VAT1L: variants seen among roughly 807,000 people sequenced by gnomAD.
VAT1L encodes the protein putative NADPH-dependent quinone oxidoreductase VAT1L.
In VAT1L, 34 loss-of-function variants were observed where a neutral mutation model predicts 44.1. The observed-to-expected ratio is 0.77, with a 90% CI of 0.59 to 1.03. The LOEUF (loss-of-function observed/expected upper bound fraction) is 1.03, where lower values mean the gene tolerates loss of function less well. VAT1L is among the 50% of genes least tolerant of loss of function. The probability of loss-of-function intolerance (pLI) is 0.00; values close to 1 mark genes in which losing one functional copy is unlikely to be tolerated. For synonymous variants in VAT1L, 253 were observed against 202.2 expected, an observed-to-expected ratio of 1.25 and a Z score of -2.13; for missense variants, 615 against 538.8, an observed-to-expected ratio of 1.14 and a Z score of -1.40.
At chr16:77,859,287 C>G (rs2016892317) in intron 3 of VAT1L, among the ~76,000 whole-genome samples, 1 of 152,072 alleles carries the variant, frequency 6.6e-6, no homozygotes, top group African/African-American at 2.4e-5. Context: ...CAGAGTGAGA[C>G]CCTGTCTCTA....
chr16:77,962,739 A>AGAAGGAAAGAAGGAAGGAAG (rs2018175748), intron 7 of VAT1L, among the ~76,000 whole-genome samples: 1 of 129,328 alleles, frequency 7.7e-6, no homozygotes, highest in African/African-American at 2.9e-5. Flanking sequence ...AAAGAAGGAA[A>AGAAGGAAAGAAGGAAGGAAG]GAAGGAAGGA....
intron 7 of VAT1L, among the ~76,000 whole-genome samples, chr16:77,912,486 C>T (rs62042210): frequency 0.066 from 10,054 of 152,134 alleles, 385 homozygotes; most frequent in East Asian, 0.12. Context: ...GACATGGTCA[C>T]GGCTCACTGC....
At chr16:77,906,058 C>A (rs943634087) in intron 7 of VAT1L, among the ~76,000 whole-genome samples, 1 of 152,086 alleles carries the variant, frequency 6.6e-6, no homozygotes. Context: ...CACCACTGTC[C>A]CCCCAGTAAT....
chr16:77,913,312 C>T (rs2017517995), intron 7 of VAT1L, among the ~76,000 whole-genome samples: 1 of 152,114 alleles, frequency 6.6e-6, no homozygotes, highest in African/African-American at 2.4e-5. Flanking sequence ...TGTCTTGCAA[C>T]TCTAAAACTC....
At chr16:77,846,832 C>A (rs559567461) in intron 3 of VAT1L, among the ~76,000 whole-genome samples, 1 of 152,094 alleles carries the variant, frequency 6.6e-6, no homozygotes, top group East Asian at 1.9e-4. Context: ...AAAAGATAAT[C>A]AGGGTATATA....
chr16:77,965,377 C>G (rs563348842), intron 7 of VAT1L, among the ~76,000 whole-genome samples: 1 of 152,330 alleles, frequency 6.6e-6, no homozygotes, highest in East Asian at 1.9e-4. Context: ...TTCCCACTGC[C>G]TCCTGCCACC....
chr16:77,937,480 G>C (rs529157798), intron 7 of VAT1L, among the ~76,000 whole-genome samples: 1 of 147,436 alleles, frequency 6.8e-6, no homozygotes, highest in African/African-American at 2.4e-5. Context: ...TTACCCAAGA[G>C]ACTTTCCCCC....
chr16:77,968,018 G>C (rs548328138), intron 7 of VAT1L, among the ~76,000 whole-genome samples: 1 of 152,050 alleles, frequency 6.6e-6, no homozygotes, highest in Non-Finnish European at 1.5e-5. Flanking sequence ...TGAGCATCAG[G>C]GTACATTATC....
chr16:77,974,454 C>G (rs914082501), intron 8 of VAT1L, among the ~76,000 whole-genome samples: 3 of 152,188 alleles, frequency 2.0e-5, no homozygotes, highest in Non-Finnish European at 4.4e-5. Context: ...GCCTGTCTTA[C>G]CAAGGGAGGA....
chr16:77,874,839 T>TAAAAAAAAAAAA (rs769810512), intron 4 of VAT1L, among the ~76,000 whole-genome samples: 1 of 87,718 alleles, frequency 1.1e-5, no homozygotes, highest in Non-Finnish European at 2.3e-5. Flanking sequence ...AATTAATTTG[T>TAAAAAAAAAAAA]AAAAAAAAAA....
At chr16:77,862,686 G>A (rs186561520) in intron 3 of VAT1L, 62 bp from the exon 4 acceptor site, 77 of 1,327,610 alleles carry the variant, frequency 5.8e-5, no homozygotes, top group Non-Finnish European at 7.1e-5. Flanking sequence ...TCTACACCCA[G>A]CAAGACTGGC....
At chr16:77,817,184 G>C in intron 2 of VAT1L, 134 bp downstream of exon 2, 1 of 1,357,496 alleles carries the variant, frequency 7.4e-7, no homozygotes, top group Non-Finnish European at 9.9e-7. Flanking sequence ...TTGGACTGTT[G>C]ACAATGTTTA....
rs1051994291 is a variant in VAT1L at position 77,905,772 on chromosome 16, G to A, written c.1077+20970G>A. ...CCTGTGTTTGTGCGTCCTCTGAAGC[G>A]TTTATAAGCTTATCATAGGCCTGCA... On this transcript the variant is annotated intron_variant, in intron 7 of 8. Coordinates refer to ENST00000302536, the MANE Select transcript of VAT1L (RefSeq NM_020927.3). Among the ~76,000 whole-genome samples, 5 of 152,098 alleles carry A rather than the reference G, an allele frequency of 3.3e-5. No homozygotes were observed. In the South Asian group the frequency reaches 8.3e-4, roughly 25 times the overall value.
At chr16:77,832,220 G>C (rs1356462523) in intron 3 of VAT1L, among the ~76,000 whole-genome samples, 4 of 152,118 alleles carry the variant, frequency 2.6e-5, no homozygotes, top group Admixed American at 1.3e-4. Flanking sequence ...GGAAATCTCT[G>C]TATAGTCTTT....
intron 4 of VAT1L, among the ~76,000 whole-genome samples, chr16:77,871,016 T>C (rs11864672): frequency 0.088 from 13,368 of 152,148 alleles, 950 homozygotes; most frequent in East Asian, 0.23. Flanking sequence ...CAGTACAGTC[T>C]TTCTATGGGG....
intron 7 of VAT1L, among the ~76,000 whole-genome samples, chr16:77,946,110 G>A (rs1415408353): frequency 5.3e-5 from 8 of 151,134 alleles, no homozygotes; most frequent in Non-Finnish European, 7.4e-5. Context: ...AGGGCTTGCC[G>A]TTTTTTAGAC....
At chr16:77,922,368 G>A (rs2017621238) in intron 7 of VAT1L, among the ~76,000 whole-genome samples, 1 of 152,188 alleles carries the variant, frequency 6.6e-6, no homozygotes, top group African/African-American at 2.4e-5. Flanking sequence ...CATCAAGGCA[G>A]CAGAGTCACA....
In VAT1L at chr16:77,925,154, A is replaced by G. The variant is rs118036036; in HGVS notation, c.1077+40352A>G. 1.0e-3 allele frequency among the ~76,000 whole-genome samples: 152 copies of G among 152,204 alleles called. 2 individuals are homozygous for G. The East Asian group carries it at 0.026, about 26-fold the overall frequency. ...GCAATGGTTACTGCCAGGGCACACT[A>G]GGGTCAGGCAAGCAAGGTACCTAGT... On this transcript the variant is annotated intron_variant, in intron 7 of 8. Transcript: ENST00000302536.
chr16:77,953,396 T>C (rs1457140295), intron 7 of VAT1L, among the ~76,000 whole-genome samples: 2 of 152,192 alleles, frequency 1.3e-5, no homozygotes, highest in African/African-American at 4.8e-5. Flanking sequence ...AGCTCAAGAC[T>C]GGGTATGATT....
Sources: gnomAD v4.1 joint callset for allele counts (sites outside exome capture counted in the v4.1 genomes callset) on GRCh38, gnomAD v4.1.1 for gene constraint, MANE v1.5 for transcripts, NCBI Gene and HGNC (gene_info 2026-07-23, HGNC 2026-07-21) for gene names.